The following PTN variants were observed in gnomAD, a reference collection of about 807,000 sequenced individuals.
PTN encodes heparin affin regulatory protein.
PTN carries 18 observed loss-of-function variants against 24.1 expected under a neutral mutation model. That is an observed-to-expected ratio of 0.75 (90% CI 0.52 to 1.11). The LOEUF is 1.11. Among genes scored for constraint, PTN ranks in the 50% least tolerant of loss-of-function variants. PTN has a pLI of 0.00. For synonymous variants in PTN, 78 were observed against 68.6 expected, an observed-to-expected ratio of 1.14 and a Z score of -0.67; for missense variants, 163 against 198.8, an observed-to-expected ratio of 0.82 and a Z score of 1.08.
chr7:137,266,302 CT>C (rs1809143434), intron 1 of PTN, among the ~76,000 whole-genome samples: 1 of 151,968 alleles, frequency 6.6e-6, no homozygotes, highest in African/African-American at 2.4e-5. Context: ...TTTTTTTTAA[CT>C]TTTTAATGTA....
chr7:137,339,090 G>C (rs1810493307), intron 1 of PTN, among the ~76,000 whole-genome samples: 1 of 151,660 alleles, frequency 6.6e-6, no homozygotes, highest in African/African-American at 2.4e-5. Flanking sequence ...AAAACATTAA[G>C]ACAATAACAT....
chr7:137,305,803 C>G (rs939094338), intron 1 of PTN, among the ~76,000 whole-genome samples: 1 of 152,050 alleles, frequency 6.6e-6, no homozygotes, highest in African/African-American at 2.4e-5. Flanking sequence ...AGAGTTACCA[C>G]GACCTGGAGC....
chr7:137,325,482 G>C (rs1810243334), intron 1 of PTN: 1 of 153,312 alleles, frequency 6.5e-6, no homozygotes, highest in African/African-American at 2.4e-5. Flanking sequence ...AGGAGGTGCT[G>C]ACTATGGACA....
At chr7:137,267,287 T>A (rs1809169515) in intron 1 of PTN, among the ~76,000 whole-genome samples, 1 of 144,580 alleles carries the variant, frequency 6.9e-6, no homozygotes, top group Non-Finnish European at 1.5e-5. Context: ...TCTCTTCCTC[T>A]GTGTCTTTTC....
At chr7:137,282,874 G>C (rs963081444) in intron 1 of PTN, among the ~76,000 whole-genome samples, 2 of 152,178 alleles carry the variant, frequency 1.3e-5, no homozygotes, top group South Asian at 4.1e-4. Flanking sequence ...TTGTATGTGT[G>C]TGTATGGAGA....
At chr7:137,244,374 A>ATTTTTTTT (rs1242182641) in intron 4 of PTN, among the ~76,000 whole-genome samples, 5 of 131,160 alleles carry the variant, frequency 3.8e-5, no homozygotes, top group Admixed American at 7.8e-5. Flanking sequence ...TCTCCTCAGA[A>ATTTTTTTT]TTTTTTTTTT....
At chr7:137,324,063 T>G (rs1810209477) in intron 1 of PTN, among the ~76,000 whole-genome samples, 1 of 152,124 alleles carries the variant, frequency 6.6e-6, no homozygotes, top group Non-Finnish European at 1.5e-5. Context: ...ATCAGCCAGT[T>G]GTAGAGGCTG....
intron 1 of PTN, among the ~76,000 whole-genome samples, chr7:137,260,360 T>C (rs322314): frequency 0.27 from 41,539 of 151,952 alleles, 6,519 homozygotes; most frequent in African/African-American, 0.43. Context: ...TAGCAAATTA[T>C]TGTAAGATTT....
intron 1 of PTN, among the ~76,000 whole-genome samples, chr7:137,265,985 GC>G (rs1809136697): frequency 1.3e-5 from 2 of 152,092 alleles, no homozygotes; most frequent in South Asian, 4.1e-4. Flanking sequence ...CACTAGATAA[GC>G]TAAATTTTAC....
At position 137,314,518 on chromosome 7, in the gene PTN, A is replaced by G. The variant is rs1370373810; in HGVS notation, c.-2+28921T>C. 2.0e-5 allele frequency among the ~76,000 whole-genome samples: 3 copies of G among 151,866 alleles called. No individual in the cohort carries two copies. The East Asian group carries it at 5.8e-4, about 29-fold the overall frequency. ...GGGCTTAGAAGTCAAGGGAAATTGT[A>G]TATACAGATGTGCCGTATACATTAT... On this transcript the variant is annotated intron_variant, in intron 1 of 4. Coordinates refer to ENST00000348225, the MANE Select transcript of PTN (RefSeq NM_002825.7).
At chr7:137,281,253 C>CAA (rs776816443) in intron 1 of PTN, among the ~76,000 whole-genome samples, 3 of 127,754 alleles carry the variant, frequency 2.3e-5, no homozygotes, top group African/African-American at 8.6e-5. Context: ...TGGTATCACT[C>CAA]AAAAAAAAAA....
intron 1 of PTN, among the ~76,000 whole-genome samples, chr7:137,302,476 C>A (rs1809822069): frequency 6.6e-6 from 1 of 151,886 alleles, no homozygotes; most frequent in African/African-American, 2.4e-5. Context: ...TTAGACAAAG[C>A]AATGAAGAAA....
chr7:137,332,057 T>C (rs1810367899), intron 1 of PTN, among the ~76,000 whole-genome samples: 1 of 152,218 alleles, frequency 6.6e-6, no homozygotes, highest in Non-Finnish European at 1.5e-5. Context: ...GCTAAATAAA[T>C]TGAATTTCCA....
At chr7:137,280,017 C>A (rs1030837651) in intron 1 of PTN, among the ~76,000 whole-genome samples, 7 of 152,112 alleles carry the variant, frequency 4.6e-5, no homozygotes, top group African/African-American at 7.2e-5. Context: ...TAGGATATCT[C>A]CCAGATTTCT....
intron 1 of PTN, among the ~76,000 whole-genome samples, chr7:137,255,219 C>T (rs1393601118): frequency 6.6e-6 from 1 of 152,200 alleles, no homozygotes; most frequent in East Asian, 1.9e-4. Context: ...TAAGACTTCA[C>T]AACCATTTGC....
At chr7:137,305,439 T>C (rs1190124212) in intron 1 of PTN, among the ~76,000 whole-genome samples, 1 of 151,832 alleles carries the variant, frequency 6.6e-6, no homozygotes, top group African/African-American at 2.4e-5. Flanking sequence ...ATTATCCTTT[T>C]ACCAAAAGGA....
At chr7:137,254,056 T>C (rs1225792084) in intron 2 of PTN, among the ~76,000 whole-genome samples, 4 of 152,062 alleles carry the variant, frequency 2.6e-5, no homozygotes, top group Non-Finnish European at 5.9e-5. Flanking sequence ...TCCCAGCACT[T>C]TGGGAGGTCG....
intron 1 of PTN, among the ~76,000 whole-genome samples, chr7:137,312,985 G>T (rs1001862570): frequency 4.6e-5 from 7 of 152,038 alleles, no homozygotes; most frequent in Non-Finnish European, 1.0e-4. Context: ...ACTCTGCCAG[G>T]TGTTATTTAT....
At chr7:137,317,164 C>T (rs772642599) in intron 1 of PTN, among the ~76,000 whole-genome samples, 12 of 152,176 alleles carry the variant, frequency 7.9e-5, no homozygotes, top group Non-Finnish European at 1.5e-5. Context: ...TGAAAATCGG[C>T]CTGGGTGAGT....
Sources: gnomAD v4.1 joint callset for allele counts (sites outside exome capture counted in the v4.1 genomes callset) on GRCh38, gnomAD v4.1.1 for gene constraint, MANE v1.5 for transcripts, NCBI Gene and HGNC (gene_info 2026-07-23, HGNC 2026-07-21) for gene names.